The following SBF2 variants were observed in gnomAD, a reference collection of about 807,000 sequenced individuals.
SBF2 encodes the protein SET binding factor 2.
SBF2 carries 112 observed loss-of-function variants against 225.2 expected under a neutral mutation model. That is an observed-to-expected ratio of 0.50 (90% confidence interval 0.43 to 0.58). SBF2 has a LOEUF of 0.58. Ranked by LOEUF, SBF2 falls within the 20% of genes least tolerant of loss-of-function variation. SBF2 has a pLI of 0.00. For missense variants in SBF2, 1,996 were observed against 2,206.2 expected (o/e 0.90, Z 1.91); for synonymous variants, 763 against 773.3 (o/e 0.99, Z 0.22).
chr11:9,988,927 T>G (rs1228687770), intron 13 of SBF2, among the ~76,000 whole-genome samples: 2 of 152,112 alleles, frequency 1.3e-5, no homozygotes, highest in African/African-American at 4.8e-5. Flanking sequence ...AAAGAAGTCA[T>G]TCTTCGAAAA....
chr11:10,265,874 T>TGTGC (rs1555101563), intron 1 of SBF2, among the ~76,000 whole-genome samples: 10 of 118,640 alleles, frequency 8.4e-5, no homozygotes, highest in East Asian at 2.3e-4. Flanking sequence ...TGTGTGTGTG[T>TGTGC]GCGCGCGCGC....
chr11:10,067,870 A>C (rs1950690174), intron 2 of SBF2, among the ~76,000 whole-genome samples: 1 of 152,146 alleles, frequency 6.6e-6, no homozygotes, highest in Non-Finnish European at 1.5e-5. Context: ...CCAGCCTGGC[A>C]ACAAAATGAT....
intron 32 of SBF2, among the ~76,000 whole-genome samples, chr11:9,803,403 A>T (rs952795726): frequency 1.3e-5 from 2 of 152,224 alleles, no homozygotes; most frequent in Non-Finnish European, 2.9e-5. Context: ...AAATTGCTTT[A>T]ATCATACCAC....
At chr11:10,070,381 A>G (rs1176316548) in intron 2 of SBF2, among the ~76,000 whole-genome samples, 2 of 152,214 alleles carry the variant, frequency 1.3e-5, no homozygotes, top group African/African-American at 2.4e-5. Context: ...ACATATGGCT[A>G]GCCAGTTTTC....
At chr11:10,164,771 A>C (rs1247518043) in intron 2 of SBF2, among the ~76,000 whole-genome samples, 1 of 151,290 alleles carries the variant, frequency 6.6e-6, no homozygotes, top group Non-Finnish European at 1.5e-5. Flanking sequence ...TTCATGCAAC[A>C]TAGAGGATGT....
intron 28 of SBF2, among the ~76,000 whole-genome samples, chr11:9,827,538 A>G (rs1036460839): frequency 6.6e-6 from 1 of 152,146 alleles, no homozygotes; most frequent in African/African-American, 2.4e-5. Context: ...GTCTTAAAAA[A>G]AAAAAAAAAA....
intron 39 of SBF2, 128 bp from the exon 40 acceptor site, chr11:9,780,644 C>G (rs1851944448): frequency 1.3e-6 from 1 of 751,914 alleles, no homozygotes; most frequent in Non-Finnish European, 2.3e-6. Context: ...ATGAATTTTT[C>G]TTCCTCAACT....
chr11:9,953,314 T>A (rs1170570411), intron 16 of SBF2, among the ~76,000 whole-genome samples: 1 of 151,988 alleles, frequency 6.6e-6, no homozygotes, highest in Non-Finnish European at 1.5e-5. Context: ...CGTGGTGGCA[T>A]GCGCCTGTAA....
intron 17 of SBF2, among the ~76,000 whole-genome samples, chr11:9,887,528 G>C (rs1860436297): frequency 1.3e-5 from 2 of 151,900 alleles, no homozygotes. Flanking sequence ...GGAGGAGGAG[G>C]AATGCTAAAC....
At chr11:9,879,806 A>C (rs1260912258) in intron 17 of SBF2, among the ~76,000 whole-genome samples, 1 of 152,168 alleles carries the variant, frequency 6.6e-6, no homozygotes, top group Non-Finnish European at 1.5e-5. Context: ...GGATGAGGCC[A>C]GGCTTGGTGG....
At chr11:10,250,875 C>T (rs1009279197) in intron 1 of SBF2, among the ~76,000 whole-genome samples, 2 of 152,200 alleles carry the variant, frequency 1.3e-5, no homozygotes, top group African/African-American at 2.4e-5. Context: ...GGAAACTGTA[C>T]ACCCACTGGA....
chr11:9,929,868 T>G (rs1225519215), intron 16 of SBF2, among the ~76,000 whole-genome samples: 2 of 152,200 alleles, frequency 1.3e-5, no homozygotes, highest in Non-Finnish European at 2.9e-5. Context: ...ATAAAGAAAC[T>G]TATTATTAAC....
Position 9,832,280 on chromosome 11 carries a change from C to A in SBF2, c.3596G>T (p.Gly1199Val). ...RSGTLLLRSG[G>V]FHGKGVVGLF... ...ACCAACGACTCCCTTCCCATGGAAT[C>A]CTCCAGATCGGAGGAGCAGAGTACC... The change falls in exon 27 of 40, where the codon GGA (glycine) becomes GTA (valine). Residue 1199 changes from glycine to valine, a missense_variant. Physicochemically the swap from Gly to Val is moderately radical, Grantham distance 109 (BLOSUM62 -3). Transcript: ENST00000256190. 6.2e-7 allele frequency: 1 copy of A among 1,614,182 alleles called. No homozygotes were observed. Among genetic ancestry groups the A allele is most frequent in the Non-Finnish European group, 8.5e-7 (1 of 1,180,048 alleles).
At chr11:10,072,788 G>C (rs779205869) in intron 2 of SBF2, among the ~76,000 whole-genome samples, 7 of 146,390 alleles carry the variant, frequency 4.8e-5, no homozygotes, top group Non-Finnish European at 7.4e-5. Flanking sequence ...CTGGAGTGCA[G>C]TGGCACCATC....
Position 10,133,515 on chromosome 11 carries a change from G to T in SBF2, c.141+60387C>A. ...TGCCGGTGGGCCAGCACTGCTGGGG[G>T]ACTCAGTACACCCTCCGCAGCCACT... On this transcript the variant is annotated intron_variant, in intron 2 of 39. Coordinates refer to ENST00000256190, the MANE Select transcript of SBF2 (RefSeq NM_030962.4). Among the ~76,000 whole-genome samples, 2 of 135,838 alleles carry T rather than the reference G, an allele frequency of 1.5e-5. 1 individual carries two copies. Among genetic ancestry groups the T allele is most frequent in the Non-Finnish European group, 3.4e-5 (2 of 58,696 alleles). The allele number at this position is 135,838 out of a possible 152,430, so 89.1% of individuals were successfully genotyped here.
At chr11:10,107,661 G>T (rs1224557585) in intron 2 of SBF2, among the ~76,000 whole-genome samples, 1 of 152,028 alleles carries the variant, frequency 6.6e-6, no homozygotes, top group Non-Finnish European at 1.5e-5. Context: ...GCAATACTTG[G>T]CATTCCTTTC....
intron 16 of SBF2, among the ~76,000 whole-genome samples, chr11:9,905,264 A>G (rs1033582972): frequency 1.3e-5 from 2 of 152,228 alleles, no homozygotes; most frequent in African/African-American, 2.4e-5. Context: ...TCACTAGATT[A>G]TAAGCAATTT....
intron 16 of SBF2, among the ~76,000 whole-genome samples, chr11:9,946,725 C>G (rs1254729997): frequency 6.6e-6 from 1 of 152,194 alleles, no homozygotes; most frequent in Non-Finnish European, 1.5e-5. Context: ...ACTGGGATTA[C>G]AGGCTTGAGC....
intron 6 of SBF2, among the ~76,000 whole-genome samples, chr11:10,020,386 T>C (rs1321906192): frequency 1.3e-5 from 2 of 152,236 alleles, no homozygotes; most frequent in African/African-American, 4.8e-5. Context: ...CCACTGTGTA[T>C]GCAGAGAGCC....
Sources: gnomAD v4.1 joint callset for allele counts (sites outside exome capture counted in the v4.1 genomes callset) on GRCh38, gnomAD v4.1.1 for gene constraint, MANE v1.5 for transcripts, NCBI Gene and HGNC (gene_info 2026-07-23, HGNC 2026-07-21) for gene names.